The following AGBL1 variants were observed in gnomAD, a reference collection of about 807,000 sequenced individuals.
AGBL1 encodes the protein cytosolic carboxypeptidase 4.
In AGBL1, 130 loss-of-function variants were observed where a neutral mutation model predicts 118.9. That is an observed-to-expected ratio of 1.09 (90% confidence interval 0.95 to 1.26). The LOEUF is 1.26. AGBL1 is among the 50% of genes most tolerant of loss of function. The probability of loss-of-function intolerance (pLI) is 0.00; values close to 1 mark genes in which losing one functional copy is unlikely to be tolerated. For missense variants in AGBL1, 1,584 were observed against 1,298.1 expected (o/e 1.22, Z -3.38); for synonymous variants, 555 against 478.9 (o/e 1.16, Z -2.08).
chr15:86,682,488 G>A (rs1389007756), intron 22 of AGBL1, among the ~76,000 whole-genome samples: 1 of 152,104 alleles, frequency 6.6e-6, no homozygotes, highest in Non-Finnish European at 1.5e-5. Flanking sequence ...ATATCATGAA[G>A]CTATTGGTAA....
In AGBL1 at chr15:86,545,750, G is replaced by A. The variant is rs561061301; in HGVS notation, c.2686-252G>A. ...AGCTATACATGACTTGCGTTTCTTC[G>A]TATTCTATTCACTCCTAAGACCCTT... On this transcript the variant is annotated intron_variant, in intron 19 of 22. Coordinates refer to ENST00000614907, the MANE Select transcript of AGBL1 (RefSeq NM_001386094.1). Among the ~76,000 whole-genome samples, 9 of 151,956 alleles carry A rather than the reference G, an allele frequency of 5.9e-5. No homozygotes were observed. The South Asian group carries it at 8.3e-4, about 14-fold the overall frequency.
At chr15:86,978,070 C>T (rs769142304) in intron 23 of AGBL1, among the ~76,000 whole-genome samples, 16 of 152,078 alleles carry the variant, frequency 1.1e-4, no homozygotes, top group Non-Finnish European at 2.2e-4. Context: ...TAAACTAATG[C>T]TTACTTTTCT....
chr15:86,369,344 T>A (rs537399082), intron 17 of AGBL1, among the ~76,000 whole-genome samples: 1 of 152,228 alleles, frequency 6.6e-6, no homozygotes, highest in South Asian at 2.1e-4. Context: ...TTTTGGGGAG[T>A]GCAGATGCAT....
intron 18 of AGBL1, among the ~76,000 whole-genome samples, chr15:86,410,837 T>TATATAA (rs1567242861): frequency 4.9e-5 from 5 of 101,170 alleles, no homozygotes; most frequent in African/African-American, 2.3e-4. Context: ...TATATATATA[T>TATATAA]ATATAATATA....
chr15:86,410,424 G>A (rs953008292), intron 18 of AGBL1, among the ~76,000 whole-genome samples: 1 of 152,074 alleles, frequency 6.6e-6, no homozygotes, highest in African/African-American at 2.4e-5. Context: ...GTCAGAAGAA[G>A]ACCCACTTTA....
intron 18 of AGBL1, among the ~76,000 whole-genome samples, chr15:86,472,017 CA>C (rs915555107): frequency 4.6e-5 from 7 of 152,180 alleles, no homozygotes; most frequent in African/African-American, 1.7e-4. Context: ...CATGTGAAGA[CA>C]GAACCACTGA....
chr15:86,472,591 G>C (rs1358699814), intron 18 of AGBL1, among the ~76,000 whole-genome samples: 1 of 152,156 alleles, frequency 6.6e-6, no homozygotes, highest in Non-Finnish European at 1.5e-5. Flanking sequence ...TGGAGAACAT[G>C]CTAATTGGAG....
At chr15:86,367,968 T>A (rs1386388133) in intron 17 of AGBL1, among the ~76,000 whole-genome samples, 1 of 152,032 alleles carries the variant, frequency 6.6e-6, no homozygotes, top group Non-Finnish European at 1.5e-5. Flanking sequence ...CTAATAAACA[T>A]GGGTTAGGGT....
chr15:86,686,361 G>T (rs1356077163), intron 22 of AGBL1, among the ~76,000 whole-genome samples: 1 of 151,652 alleles, frequency 6.6e-6, no homozygotes, highest in Non-Finnish European at 1.5e-5. Context: ...AGGGAATTTG[G>T]TATCCCCATC....
chr15:86,273,308 T>C (rs1298939032), intron 15 of AGBL1, among the ~76,000 whole-genome samples: 1 of 152,166 alleles, frequency 6.6e-6, no homozygotes, highest in Admixed American at 6.5e-5. Context: ...ACAATTACTA[T>C]GTGATTAAAG....
intron 22 of AGBL1, among the ~76,000 whole-genome samples, chr15:86,855,170 A>T (rs189435885): frequency 3.3e-4 from 51 of 152,374 alleles, no homozygotes; most frequent in Non-Finnish European, 5.7e-4. Flanking sequence ...ATTCAATAGC[A>T]TAAATTATAT....
intron 21 of AGBL1, among the ~76,000 whole-genome samples, chr15:86,570,259 G>A (rs1304564556): frequency 3.3e-5 from 5 of 152,220 alleles, no homozygotes; most frequent in Admixed American, 6.5e-5. Context: ...CCAAACACTG[G>A]TAGGACCTTG....
At chr15:86,409,043 T>A (rs2081575192) in intron 18 of AGBL1, among the ~76,000 whole-genome samples, 1 of 152,216 alleles carries the variant, frequency 6.6e-6, no homozygotes, top group African/African-American at 2.4e-5. Context: ...ATTTAAATTT[T>A]AAAAAATATG....
At chr15:86,668,839 A>G (rs1270047987) in intron 21 of AGBL1, among the ~76,000 whole-genome samples, 4 of 152,214 alleles carry the variant, frequency 2.6e-5, no homozygotes, top group Admixed American at 2.0e-4. Context: ...ATGTGGGCAT[A>G]TTTGACTTTC....
chr15:86,863,796 G>A (rs548857572), intron 22 of AGBL1, among the ~76,000 whole-genome samples: 2 of 152,274 alleles, frequency 1.3e-5, no homozygotes, highest in Non-Finnish European at 2.9e-5. Context: ...AAACACATGG[G>A]TTCTGAAGTC....
At chr15:86,094,413 T>C (rs1896224524) in intron 1 of AGBL1, among the ~76,000 whole-genome samples, 1 of 152,158 alleles carries the variant, frequency 6.6e-6, no homozygotes, top group African/African-American at 2.4e-5. Flanking sequence ...TCTATTTAAT[T>C]TGAAATAGAG....
chr15:86,469,824 A>G (rs1379120927), intron 18 of AGBL1, among the ~76,000 whole-genome samples: 2 of 152,082 alleles, frequency 1.3e-5, no homozygotes, highest in Non-Finnish European at 2.9e-5. Flanking sequence ...TTCCCAGATG[A>G]TTAGTGAAGT....
chr15:86,795,423 G>A (rs1266474681), intron 22 of AGBL1, among the ~76,000 whole-genome samples: 2 of 151,852 alleles, frequency 1.3e-5, no homozygotes, highest in African/African-American at 2.4e-5. Flanking sequence ...ATTCCCTGAG[G>A]GTCCCATTAC....
intron 22 of AGBL1, among the ~76,000 whole-genome samples, chr15:86,737,253 G>T (rs1331881159): frequency 2.0e-5 from 3 of 152,158 alleles, no homozygotes; most frequent in African/African-American, 7.2e-5. Flanking sequence ...TTTCACGGAG[G>T]AGGTGATATC....
Sources: gnomAD v4.1 joint callset for allele counts (sites outside exome capture counted in the v4.1 genomes callset) on GRCh38, gnomAD v4.1.1 for gene constraint, MANE v1.5 for transcripts, NCBI Gene and HGNC (gene_info 2026-07-23, HGNC 2026-07-21) for gene names.